The following NBEA variants were observed in gnomAD, a reference collection of about 807,000 sequenced individuals.
NBEA encodes the protein neurobeachin.
In NBEA, 44 loss-of-function variants were observed where a neutral mutation model predicts 343.4. That is an observed-to-expected ratio of 0.13 (90% CI 0.10 to 0.16). The LOEUF (loss-of-function observed/expected upper bound fraction) is 0.16. Among genes scored for constraint, NBEA ranks in the 10% least tolerant of loss-of-function variants. The probability of loss-of-function intolerance (pLI) is 1.00; values close to 1 mark genes in which losing one functional copy is unlikely to be tolerated. For missense variants in NBEA, 2,555 were observed against 3,631.3 expected (o/e 0.70, Z 7.62); for synonymous variants, 1,175 against 1,238.7 (o/e 0.95, Z 1.08).
At chr13:35,251,743 G>A (rs2031989435) in intron 34 of NBEA, 1 of 233,058 alleles carries the variant, frequency 4.3e-6, no homozygotes, top group South Asian at 6.7e-5. Context: ...AGCTGTACAT[G>A]CTCAAAGCCA....
intron 38 of NBEA, among the ~76,000 whole-genome samples, chr13:35,418,549 A>T (rs1219035664): frequency 6.6e-6 from 1 of 152,036 alleles, no homozygotes; most frequent in Non-Finnish European, 1.5e-5. Flanking sequence ...ATTGCCTAAC[A>T]CAAAATAGAT....
intron 39 of NBEA, among the ~76,000 whole-genome samples, chr13:35,446,927 A>G (rs1393676896): frequency 6.6e-6 from 1 of 152,042 alleles, no homozygotes; most frequent in Non-Finnish European, 1.5e-5. Context: ...CTACATTAAA[A>G]CTGGCTTATT....
intron 34 of NBEA, among the ~76,000 whole-genome samples, chr13:35,266,171 A>G (rs2033656663): frequency 6.6e-6 from 1 of 151,860 alleles, no homozygotes; most frequent in African/African-American, 2.4e-5. Context: ...AAATATAAAT[A>G]TTACCAAAAA....
intron 10 of NBEA, among the ~76,000 whole-genome samples, chr13:35,075,694 A>G (rs968232356): frequency 6.9e-6 from 1 of 145,656 alleles, no homozygotes; most frequent in Non-Finnish European, 1.5e-5. Flanking sequence ...TTGCTAATTA[A>G]TCAAAGTTAT....
At chr13:35,200,264 C>A (rs960245262) in intron 31 of NBEA, among the ~76,000 whole-genome samples, 1 of 151,748 alleles carries the variant, frequency 6.6e-6, no homozygotes, top group Non-Finnish European at 1.5e-5. Context: ...TACTGTGTAA[C>A]TTTTACTTTG....
chr13:34,950,449 G>A (rs1199772373), intron 1 of NBEA, among the ~76,000 whole-genome samples: 1 of 151,824 alleles, frequency 6.6e-6, no homozygotes, highest in Non-Finnish European at 1.5e-5. Context: ...GCCAGTTTGA[G>A]TTGGGTTTCT....
chr13:35,173,664 A>C, intron 27 of NBEA, 70 bp downstream of exon 27: 1 of 1,478,342 alleles, frequency 6.8e-7, no homozygotes. Context: ...TGATGAGAAC[A>C]AAGTGCCATG....
At chr13:35,283,094 A>G (rs953214791) in intron 34 of NBEA, among the ~76,000 whole-genome samples, 1 of 152,134 alleles carries the variant, frequency 6.6e-6, no homozygotes, top group Non-Finnish European at 1.5e-5. Context: ...AATCTGTATA[A>G]AAACCATCAC....
chr13:35,290,592 A>C, intron 35 of NBEA, 142 bp downstream of exon 35: 1 of 572,970 alleles, frequency 1.7e-6, no homozygotes, highest in Non-Finnish European at 3.1e-6. Context: ...AAAATAATTT[A>C]TGTTGAGTTT....
At chr13:35,644,806 T>C (rs1256266576) in intron 49 of NBEA, among the ~76,000 whole-genome samples, 1 of 152,204 alleles carries the variant, frequency 6.6e-6, no homozygotes, top group Admixed American at 6.5e-5. Context: ...AATCTTGCAC[T>C]GGGGAGACAA....
At chr13:35,232,051 G>A (rs1019669192) in intron 33 of NBEA, among the ~76,000 whole-genome samples, 6 of 152,098 alleles carry the variant, frequency 3.9e-5, no homozygotes, top group Admixed American at 1.3e-4. Context: ...GTATTACAAC[G>A]AATTTCAGTT....
At chr13:34,967,348 C>CT (rs1355519773) in intron 1 of NBEA, among the ~76,000 whole-genome samples, 98 of 145,056 alleles carry the variant, frequency 6.8e-4, no homozygotes, top group East Asian at 1.8e-3. Context: ...TTTCTTTTAC[C>CT]TTTTTTTTTT....
At chr13:35,167,593 G>C (rs1246774724) in intron 24 of NBEA, among the ~76,000 whole-genome samples, 1 of 151,850 alleles carries the variant, frequency 6.6e-6, no homozygotes, top group African/African-American at 2.4e-5. Flanking sequence ...AATAGTTTCA[G>C]ATCTCCGAGT....
chr13:34,946,321 T>A (rs2059182145), intron 1 of NBEA, among the ~76,000 whole-genome samples: 1 of 152,176 alleles, frequency 6.6e-6, no homozygotes, highest in Non-Finnish European at 1.5e-5. Context: ...ATCTATTACT[T>A]CTTTTGTAAA....
rs555746647 is a variant in NBEA at position 35,044,827 on chromosome 13, T to TAG, written c.527-119_527-118insGA. The TAG allele has an allele frequency of 2.9e-3, 1,444 of 505,338 alleles. 5 individuals carry two copies. The highest frequency in any genetic ancestry group is 0.017 in the East Asian group (519 of 29,962). The allele number at this position is 505,338 out of a possible 1,614,324, so 31.3% of individuals were successfully genotyped here. A position where few individuals can be genotyped will look rare whatever the true frequency, so the allele number is the denominator to read the frequency against. On this transcript the variant is annotated intron_variant, in intron 2 of 58. Coordinates refer to ENST00000379939, the MANE Select transcript of NBEA (RefSeq NM_001385012.1). Reference sequence around the variant, plus strand: ...GCTGTATTAGATACATATATATATATATAGAGAGAGAGAGAGAGAGAGAGA... The same window carrying TAG: ...GCTGTATTAGATACATATATATATATAGATAGAGAGAGAGAGAGAGAGAGAGA...
At chr13:35,466,011 A>G (rs1054307917) in intron 40 of NBEA, among the ~76,000 whole-genome samples, 1 of 152,186 alleles carries the variant, frequency 6.6e-6, no homozygotes, top group African/African-American at 2.4e-5. Context: ...ATGATCTACT[A>G]TGATGAACAA....
intron 30 of NBEA, among the ~76,000 whole-genome samples, chr13:35,187,173 A>G (rs902733194): frequency 3.3e-5 from 5 of 151,900 alleles, no homozygotes; most frequent in Non-Finnish European, 5.9e-5. Context: ...AATTTTCACA[A>G]ATAGTTTGAG....
chr13:35,402,489 G>A (rs1025019780), intron 38 of NBEA, among the ~76,000 whole-genome samples: 3 of 151,958 alleles, frequency 2.0e-5, no homozygotes, highest in African/African-American at 7.2e-5. Flanking sequence ...ATATAAGTCA[G>A]GGAGAGAAAA....
intron 54 of NBEA, 64 bp downstream of exon 54, chr13:35,655,074 T>C (rs990784909): frequency 7.9e-7 from 1 of 1,259,494 alleles, no homozygotes; most frequent in Non-Finnish European, 1.0e-6. Flanking sequence ...CAAAGCTGAA[T>C]ATGAAATCAT....
Sources: gnomAD v4.1 joint callset for allele counts (sites outside exome capture counted in the v4.1 genomes callset) on GRCh38, gnomAD v4.1.1 for gene constraint, MANE v1.5 for transcripts, NCBI Gene and HGNC (gene_info 2026-07-23, HGNC 2026-07-21) for gene names.